Variants in TBC1D2B observed in about 807,000 individuals in gnomAD.
TBC1D2B encodes TBC1 domain family, member 2B.
In TBC1D2B, 64 loss-of-function variants were observed where a neutral mutation model predicts 100.8. The ratio of observed to expected loss-of-function variants is 0.64; its 90% CI spans 0.52 to 0.78. The LOEUF (loss-of-function observed/expected upper bound fraction) is 0.78, where lower values mean the gene tolerates loss of function less well. TBC1D2B is among the 30% of genes least tolerant of loss of function. The pLI, the probability that TBC1D2B is intolerant of heterozygous loss-of-function variation, is 0.00. For synonymous variants in TBC1D2B, 480 were observed against 479.7 expected, an observed-to-expected ratio of 1.00 and a Z score of -0.01; for missense variants, 1,052 against 1,218.4, an observed-to-expected ratio of 0.86 and a Z score of 2.03.
intron 2 of TBC1D2B, among the ~76,000 whole-genome samples, chr15:78,049,716 G>C (rs1388705569): frequency 6.6e-5 from 10 of 151,970 alleles, no homozygotes; most frequent in Admixed American, 6.6e-4. Flanking sequence ...TTGCAAGCCT[G>C]TTCCACATAG....
chr15:78,045,960 T>C (rs1418453420), intron 2 of TBC1D2B, among the ~76,000 whole-genome samples: 1 of 152,178 alleles, frequency 6.6e-6, no homozygotes, highest in Non-Finnish European at 1.5e-5. Context: ...AGACGGAGTT[T>C]TGCTCTTGTT....
At chr15:78,065,086 T>A (rs1432624458) in intron 1 of TBC1D2B, among the ~76,000 whole-genome samples, 1 of 152,234 alleles carries the variant, frequency 6.6e-6, no homozygotes, top group Non-Finnish European at 1.5e-5. Context: ...AGTCATTCCC[T>A]GGGAAGATGC....
chr15:78,073,020 C>T (rs1469232688), intron 1 of TBC1D2B, among the ~76,000 whole-genome samples: 3 of 152,212 alleles, frequency 2.0e-5, no homozygotes, highest in Non-Finnish European at 2.9e-5. Context: ...ACTACTACTA[C>T]GCCTTATCCG....
chr15:78,019,456 G>C (rs564112587), intron 6 of TBC1D2B, among the ~76,000 whole-genome samples: 3 of 152,104 alleles, frequency 2.0e-5, no homozygotes, highest in Non-Finnish European at 4.4e-5. Flanking sequence ...CTAGAACTTC[G>C]ATAGGCATCA....
chr15:78,033,221 G>A (rs908160039), intron 3 of TBC1D2B, among the ~76,000 whole-genome samples: 4 of 152,178 alleles, frequency 2.6e-5, no homozygotes, highest in Admixed American at 2.0e-4. Context: ...GTCGGTAAGT[G>A]GAGTGCTGAG....
At chr15:78,062,545 G>A (rs1479528605) in intron 1 of TBC1D2B, among the ~76,000 whole-genome samples, 3 of 152,096 alleles carry the variant, frequency 2.0e-5, no homozygotes, top group African/African-American at 7.2e-5. Flanking sequence ...ACACAGGAAA[G>A]CAAAGAAGAA....
At chr15:78,013,504 A>G (rs2072290333) in intron 8 of TBC1D2B, among the ~76,000 whole-genome samples, 187 bp from the exon 9 acceptor site, 1 of 152,214 alleles carries the variant, frequency 6.6e-6, no homozygotes, top group Admixed American at 6.5e-5. Flanking sequence ...CTGGCTATCT[A>G]TATGCAAAAA....
At chr15:78,014,887 C>T (rs982786259) in intron 8 of TBC1D2B, among the ~76,000 whole-genome samples, 2 of 152,206 alleles carry the variant, frequency 1.3e-5, no homozygotes, top group Admixed American at 6.5e-5. Context: ...AATGACGTGA[C>T]GTCTGGCATT....
rs149808616 is a variant in TBC1D2B, at chr15:78,060,510, C to T, written c.361-6323G>A. Among the ~76,000 whole-genome samples, 38 of 150,766 alleles carry T rather than the reference C, an allele frequency of 2.5e-4. 2 individuals are homozygous for T. The East Asian group carries it at 5.1e-3, about 20-fold the overall frequency. On this transcript the variant is annotated intron_variant, in intron 1 of 12. Coordinates refer to ENST00000300584, the MANE Select transcript of TBC1D2B (RefSeq NM_144572.2). The stretch of plus-strand genomic sequence containing the variant: ...AAAAAAAATTAGCCAGGCATGGTGG[C>T]GTGTGCTTGTAGTACCAGCTACTCA...
At chr15:78,044,582 T>G (rs977243806) in intron 3 of TBC1D2B, among the ~76,000 whole-genome samples, 1 of 152,220 alleles carries the variant, frequency 6.6e-6, no homozygotes, top group East Asian at 1.9e-4. Flanking sequence ...CTCTGCAGCC[T>G]GGAAGAATTG....
chr15:78,054,415 A>G (rs1475355236), intron 1 of TBC1D2B, among the ~76,000 whole-genome samples: 1 of 152,266 alleles, frequency 6.6e-6, no homozygotes, highest in Non-Finnish European at 1.5e-5. Context: ...AGTCTTTTTA[A>G]ATTCTGAAAT....
intron 9 of TBC1D2B, among the ~76,000 whole-genome samples, chr15:78,010,350 A>G (rs1163899639): frequency 6.6e-6 from 1 of 152,194 alleles, no homozygotes; most frequent in Non-Finnish European, 1.5e-5. Context: ...ATGGAAAGGA[A>G]GAGGTGAGAG....
At chr15:78,061,550 G>A (rs1366531605) in intron 1 of TBC1D2B, among the ~76,000 whole-genome samples, 1 of 150,526 alleles carries the variant, frequency 6.6e-6, no homozygotes, top group African/African-American at 2.4e-5. Flanking sequence ...TCCAGGCTGG[G>A]TGACAGAGCG....
chr15:78,064,155 C>T (rs937705196), intron 1 of TBC1D2B, among the ~76,000 whole-genome samples: 1 of 152,188 alleles, frequency 6.6e-6, no homozygotes, highest in African/African-American at 2.4e-5. Context: ...ACTAACACCT[C>T]CCTAACAAAT....
At chr15:78,001,262 A>G (rs1340086170) in intron 12 of TBC1D2B, among the ~76,000 whole-genome samples, 1 of 152,222 alleles carries the variant, frequency 6.6e-6, no homozygotes, top group African/African-American at 2.4e-5. Context: ...CAGTGTCCCC[A>G]GCAAGGTCTT....
chr15:78,054,386 C>T (rs4886997), intron 1 of TBC1D2B, among the ~76,000 whole-genome samples, 199 bp from the exon 2 acceptor site: 135,257 of 152,244 alleles, frequency 0.89, 60,791 homozygotes, highest in East Asian at 0.99. Flanking sequence ...ACATGAAGAA[C>T]TGAACCCAAT....
At chr15:78,001,809 G>C in intron 11 of TBC1D2B, 69 bp from the exon 12 acceptor site, 1 of 1,508,744 alleles carries the variant, frequency 6.6e-7, no homozygotes, top group South Asian at 1.3e-5. Context: ...CTGGACTCCA[G>C]GGGGGTGCTG....
intron 1 of TBC1D2B, among the ~76,000 whole-genome samples, chr15:78,060,331 T>G (rs894317871): frequency 4.6e-5 from 7 of 152,144 alleles, no homozygotes; most frequent in African/African-American, 1.7e-4. Flanking sequence ...ATAAAATGCC[T>G]AGGTATCCAA....
At chr15:78,007,000 A>G (rs1441265564) in intron 10 of TBC1D2B, among the ~76,000 whole-genome samples, 1 of 152,250 alleles carries the variant, frequency 6.6e-6, no homozygotes, top group Non-Finnish European at 1.5e-5. Flanking sequence ...GCACCCGAGC[A>G]GCGGGAACAG....
Sources: allele counts gnomAD v4.1 joint callset (sites outside exome capture counted in the v4.1 genomes callset), GRCh38; gene constraint gnomAD v4.1.1; transcripts MANE v1.5; gene names NCBI Gene and HGNC (gene_info 2026-07-23, HGNC 2026-07-21).